The following INTS9 variants were observed in gnomAD, a reference collection of about 807,000 sequenced individuals.
INTS9 encodes the protein integrator complex subunit 9, also known as protein related to CPSF subunits of 74 kDa.
Under a neutral mutation model 79.7 loss-of-function variants are expected in INTS9, and 55 were observed. The ratio of observed to expected loss-of-function variants is 0.69; its 90% CI spans 0.56 to 0.86. The LOEUF (loss-of-function observed/expected upper bound fraction) is 0.86. Among genes scored for constraint, INTS9 ranks in the 40% least tolerant of loss-of-function variants. The pLI, the probability that INTS9 is intolerant of heterozygous loss-of-function variation, is 0.00. For missense variants in INTS9, 721 were observed against 831.5 expected (o/e 0.87, Z 1.64); for synonymous variants, 319 against 325.2 (o/e 0.98, Z 0.20).
At chr8:28,786,978 A>T (rs987647114) in intron 11 of INTS9, among the ~76,000 whole-genome samples, 7 of 152,130 alleles carry the variant, frequency 4.6e-5, no homozygotes, top group Non-Finnish European at 1.0e-4. Context: ...TGGCCTCCCA[A>T]AGTGCTGGGA....
At chr8:28,787,641 T>C (rs1803688499) in intron 11 of INTS9, among the ~76,000 whole-genome samples, 188 bp downstream of exon 11, 1 of 152,192 alleles carries the variant, frequency 6.6e-6, no homozygotes, top group African/African-American at 2.4e-5. Context: ...ACGTGCGCAA[T>C]AGAAAGTGTT....
chr8:28,848,390 G>A (rs1408624684), intron 3 of INTS9, among the ~76,000 whole-genome samples: 1 of 152,068 alleles, frequency 6.6e-6, no homozygotes, highest in East Asian at 1.9e-4. Flanking sequence ...ACATAGTACT[G>A]GTCCTTTTGA....
intron 5 of INTS9, 69 bp from the exon 6 acceptor site, chr8:28,835,447 T>C: frequency 3.5e-6 from 4 of 1,150,404 alleles, no homozygotes; most frequent in Admixed American, 1.9e-5. Context: ...ACTCTAACAG[T>C]TGGCCAGGAG....
chr8:28,771,903 C>G (rs1226582965), intron 14 of INTS9, among the ~76,000 whole-genome samples: 1 of 152,182 alleles, frequency 6.6e-6, no homozygotes, highest in African/African-American at 2.4e-5. Context: ...CTCTGCTGCC[C>G]AGGCTGGAGT....
intron 1 of INTS9, among the ~76,000 whole-genome samples, chr8:28,863,573 C>T (rs1413636648): frequency 3.3e-5 from 5 of 152,156 alleles, no homozygotes; most frequent in African/African-American, 1.2e-4. Flanking sequence ...GTCAGGAGTT[C>T]AAGACCAGCC....
chr8:28,795,639 C>CAAAAAA (rs56910832), intron 9 of INTS9, among the ~76,000 whole-genome samples: 7 of 70,830 alleles, frequency 9.9e-5, no homozygotes, highest in Admixed American at 3.8e-4. Context: ...GACTCCGTCT[C>CAAAAAA]AAAAAAAAAA....
intron 6 of INTS9, among the ~76,000 whole-genome samples, chr8:28,823,416 C>T (rs1282181512): frequency 1.3e-5 from 2 of 152,144 alleles, no homozygotes; most frequent in African/African-American, 4.8e-5. Context: ...AGTCACTTCT[C>T]CACCCAATTG....
chr8:28,820,822 T>G (rs531821667), intron 6 of INTS9, among the ~76,000 whole-genome samples: 2 of 152,058 alleles, frequency 1.3e-5, no homozygotes, highest in Non-Finnish European at 2.9e-5. Flanking sequence ...AAATATACAG[T>G]TACTAGTAGC....
In INTS9 at chr8:28,813,509, C is replaced by G; in HGVS notation, c.592G>C (p.Gly198Arg). The G allele has an allele frequency of 6.2e-7, 1 of 1,613,380 alleles. No individual in the cohort carries two copies. The highest frequency in any genetic ancestry group is 8.5e-7 in the Non-Finnish European group (1 of 1,179,510). ...NSALSKIQLV[G>R]YSQKIELFGA... ...ATACTCACAATTTTCTGAGAATATC[C>G]CACCAGCTGGATTTTACTAAGGGCA... Residue 198 changes from glycine to arginine, a missense_variant, in exon 7 of 17, where the codon GGA becomes CGA. By Grantham distance (125) the Gly-to-Arg change is moderately radical. Coordinates refer to ENST00000521022, the MANE Select transcript of INTS9 (RefSeq NM_018250.4).
intron 6 of INTS9, among the ~76,000 whole-genome samples, chr8:28,832,574 C>T (rs1427874991): frequency 6.6e-6 from 1 of 152,232 alleles, no homozygotes; most frequent in African/African-American, 2.4e-5. Flanking sequence ...GGCTAGCTGG[C>T]TGTCTGGGTT....
intron 8 of INTS9, among the ~76,000 whole-genome samples, chr8:28,802,047 C>T (rs182306709): frequency 2.4e-4 from 37 of 152,266 alleles, no homozygotes; most frequent in African/African-American, 7.2e-4. Flanking sequence ...GGCCAATCAC[C>T]GCCTTCCAAT....
intron 1 of INTS9, among the ~76,000 whole-genome samples, chr8:28,880,307 G>A (rs536322570): frequency 1.4e-5 from 2 of 138,732 alleles, no homozygotes; most frequent in East Asian, 2.1e-4. Flanking sequence ...CTCTGATGCC[G>A]AGCCAAAGCT....
chr8:28,824,369 T>G (rs1329533487), intron 6 of INTS9, among the ~76,000 whole-genome samples: 2 of 152,246 alleles, frequency 1.3e-5, no homozygotes, highest in African/African-American at 2.4e-5. Context: ...CCTAAGGCCC[T>G]TCTTTATCTG....
At chr8:28,846,921 C>T in intron 3 of INTS9, 112 bp from the exon 4 acceptor site, 1 of 808,972 alleles carries the variant, frequency 1.2e-6, no homozygotes, top group Non-Finnish European at 2.1e-6. Context: ...ACTACTAGAG[C>T]TGGAGGGAAG....
At chr8:28,841,013 G>T (rs183906164) in intron 4 of INTS9, among the ~76,000 whole-genome samples, 7 of 150,152 alleles carry the variant, frequency 4.7e-5, no homozygotes, top group Non-Finnish European at 3.0e-5. Flanking sequence ...GAGAGGGAGG[G>T]TGCCATTCTG....
chr8:28,851,546 T>C (rs867202905), intron 2 of INTS9, among the ~76,000 whole-genome samples: 177 of 152,082 alleles, frequency 1.2e-3, no homozygotes, highest in South Asian at 1.7e-3. Context: ...CACGCCATTC[T>C]CCTGCCTCAG....
chr8:28,773,694 G>GTT (rs112128891), intron 14 of INTS9, among the ~76,000 whole-genome samples: 89 of 150,942 alleles, frequency 5.9e-4, no homozygotes, highest in South Asian at 3.1e-3. Flanking sequence ...GCTAATTTTT[G>GTT]TTTTTTTATT....
At chr8:28,850,105 GAA>G (rs76248890) in intron 3 of INTS9, 106 bp downstream of exon 3, 6,302 of 634,468 alleles carry the variant, frequency 9.9e-3, no homozygotes, top group South Asian at 0.014. Flanking sequence ...TTTCAGAGAG[GAA>G]AAAAAAAAAA....
intron 6 of INTS9, among the ~76,000 whole-genome samples, chr8:28,834,272 T>C (rs1237244437): frequency 6.6e-6 from 1 of 152,204 alleles, no homozygotes; most frequent in African/African-American, 2.4e-5. Flanking sequence ...ACCTCTGCAT[T>C]CCTGTCCATC....
Sources: allele counts gnomAD v4.1 joint callset (sites outside exome capture counted in the v4.1 genomes callset), GRCh38; gene constraint gnomAD v4.1.1; transcripts MANE v1.5; gene names NCBI Gene and HGNC (gene_info 2026-07-23, HGNC 2026-07-21).